GPHN: variants seen among roughly 807,000 people sequenced by gnomAD.
GPHN encodes the protein gephyrin.
GPHN carries 17 observed loss-of-function variants against 95.5 expected under a neutral mutation model. The ratio of observed to expected loss-of-function variants is 0.18; its 90% CI spans 0.12 to 0.27. GPHN has a LOEUF of 0.27. GPHN is among the 10% of genes least tolerant of loss of function. The pLI is 1.00. For missense variants in GPHN, 660 were observed against 978.1 expected (o/e 0.67, Z 4.34); for synonymous variants, 320 against 322.5 (o/e 0.99, Z 0.08).
At chr14:66,653,911 T>C (rs1430360898) in intron 1 of GPHN, among the ~76,000 whole-genome samples, 1 of 152,070 alleles carries the variant, frequency 6.6e-6, no homozygotes, top group African/African-American at 2.4e-5. Context: ...ATTAACACAG[T>C]TTTCTTTTCT....
chr14:66,743,800 C>G (rs755331116), intron 2 of GPHN, among the ~76,000 whole-genome samples: 5 of 152,084 alleles, frequency 3.3e-5, no homozygotes, highest in Non-Finnish European at 7.4e-5. Flanking sequence ...CTAACCAAGT[C>G]TTATTTCCTT....
chr14:66,546,573 C>T (rs1033409728), intron 1 of GPHN, among the ~76,000 whole-genome samples: 1 of 152,270 alleles, frequency 6.6e-6, no homozygotes, highest in Admixed American at 6.5e-5. Flanking sequence ...AGCTGGAGAC[C>T]AGCCCGTCCA....
chr14:67,467,768 T>C, the GPHN span: 2 of 152,210 alleles, frequency 1.3e-5, no homozygotes, highest in Non-Finnish European at 2.9e-5. Flanking sequence ...TCTGCTTATA[T>C]TGAACAAAAG....
the GPHN span, among the ~76,000 whole-genome samples, chr14:67,572,910 C>T: frequency 1.3e-5 from 2 of 152,168 alleles, no homozygotes; most frequent in South Asian, 2.1e-4. Flanking sequence ...TGGTCTTCTT[C>T]CTCCTCTCAG....
chr14:66,814,808 T>C (rs1011303564), intron 3 of GPHN, among the ~76,000 whole-genome samples: 6 of 152,116 alleles, frequency 3.9e-5, no homozygotes, highest in African/African-American at 1.4e-4. Flanking sequence ...AGAACATGGC[T>C]CAGATGGCTG....
the GPHN span, among the ~76,000 whole-genome samples, chr14:67,190,333 C>T: frequency 2.5e-4 from 38 of 151,732 alleles, no homozygotes; most frequent in African/African-American, 7.7e-4. Context: ...AAGCCATTCT[C>T]GTGCCTCAGC....
intron 18 of GPHN, among the ~76,000 whole-genome samples, chr14:67,149,464 T>C (rs1270603866): frequency 6.6e-6 from 1 of 152,208 alleles, no homozygotes; most frequent in Non-Finnish European, 1.5e-5. Context: ...TAAATATCCA[T>C]AGCTATAGCT....
At chr14:67,660,416 A>G in the GPHN span, among the ~76,000 whole-genome samples, 1 of 152,194 alleles carries the variant, frequency 6.6e-6, no homozygotes, top group Non-Finnish European at 1.5e-5. Flanking sequence ...ATATATATAT[A>G]AAAAATTAAA....
At chr14:67,143,914 C>G (rs2080656975) in intron 18 of GPHN, among the ~76,000 whole-genome samples, 1 of 151,778 alleles carries the variant, frequency 6.6e-6, no homozygotes, top group South Asian at 2.1e-4. Context: ...ATTCCTTTTG[C>G]TCCTCCTTAC....
chr14:66,643,986 A>G (rs1055855350), intron 1 of GPHN, among the ~76,000 whole-genome samples: 2 of 151,920 alleles, frequency 1.3e-5, no homozygotes, highest in Admixed American at 6.6e-5. Flanking sequence ...AAGACAGCCA[A>G]CTGAGCCAGC....
chr14:67,142,471 G>A (rs1203057453), intron 17 of GPHN, among the ~76,000 whole-genome samples: 2 of 152,044 alleles, frequency 1.3e-5, no homozygotes, highest in African/African-American at 2.4e-5. Context: ...CTTCTCCCCA[G>A]ACCTTCAACC....
intron 2 of GPHN, among the ~76,000 whole-genome samples, chr14:66,775,883 A>AAGAGAT (rs1251982320): frequency 2.6e-5 from 4 of 152,192 alleles, no homozygotes; most frequent in Non-Finnish European, 5.9e-5. Context: ...TTCCCCTTGG[A>AAGAGAT]CAGTGCTGGG....
At chr14:67,199,753 G>A in the GPHN span, 1 of 1,553,032 alleles carries the variant, frequency 6.4e-7, no homozygotes, top group Non-Finnish European at 8.8e-7. Flanking sequence ...TGGGGTCTGG[G>A]CTTCCTCCAC....
At chr14:67,404,485 G>A in the GPHN span, among the ~76,000 whole-genome samples, 1 of 152,000 alleles carries the variant, frequency 6.6e-6, no homozygotes, top group Admixed American at 6.6e-5. Context: ...CAAACCTCTA[G>A]TAGTAGTATT....
At chr14:66,918,782 A>T (rs2066049830) in intron 6 of GPHN, among the ~76,000 whole-genome samples, 1 of 152,170 alleles carries the variant, frequency 6.6e-6, no homozygotes, top group Non-Finnish European at 1.5e-5. Context: ...GAGTGTAAAG[A>T]CCAGACCTCT....
chr14:67,519,714 G>GT, the GPHN span, among the ~76,000 whole-genome samples: 54,469 of 144,884 alleles, frequency 0.38, 10,486 homozygotes, highest in Admixed American at 0.47. Context: ...CTGTAAGTTT[G>GT]TTTTTTTTTT....
the GPHN span, chr14:67,200,104 A>G: frequency 2.0e-5 from 21 of 1,034,008 alleles, no homozygotes; most frequent in East Asian, 4.7e-4. Flanking sequence ...ACCTCCTCCA[A>G]TGGGCATGCC....
the GPHN span, among the ~76,000 whole-genome samples, chr14:67,442,917 C>T: frequency 4.6e-5 from 7 of 152,278 alleles, no homozygotes; most frequent in Non-Finnish European, 7.4e-5. Context: ...AAGCCAACGA[C>T]GTTATATTAA....
chr14:67,081,842 T>G (rs917388609), intron 11 of GPHN, among the ~76,000 whole-genome samples: 8 of 152,246 alleles, frequency 5.3e-5, no homozygotes, highest in Non-Finnish European at 1.2e-4. Context: ...CAGCACCATT[T>G]GTTGAATAGG....
Sources: allele counts gnomAD v4.1 joint callset (sites outside exome capture counted in the v4.1 genomes callset), GRCh38; gene constraint gnomAD v4.1.1; transcripts MANE v1.5; gene names NCBI Gene and HGNC (gene_info 2026-07-23, HGNC 2026-07-21).